Variants in AGBL3 observed in about 807,000 individuals in gnomAD.
AGBL3 encodes the protein cytosolic carboxypeptidase 3.
Under a neutral mutation model 94.5 loss-of-function variants are expected in AGBL3, and 68 were observed. That is an observed-to-expected ratio of 0.72 (90% CI 0.59 to 0.88). The LOEUF is 0.88. Ranked by LOEUF, AGBL3 falls within the 40% of genes least tolerant of loss-of-function variation. The pLI is 0.00. For missense variants in AGBL3, 934 were observed against 1,103.8 expected (o/e 0.85, Z 2.18); for synonymous variants, 354 against 370.7 (o/e 0.95, Z 0.52).
chr7:135,022,354 C>T (rs1814597543), intron 5 of AGBL3, among the ~76,000 whole-genome samples: 2 of 152,156 alleles, frequency 1.3e-5, no homozygotes, highest in Non-Finnish European at 1.5e-5. Flanking sequence ...TTAATAATCG[C>T]CATTCTGACT....
rs78426261 is a variant in AGBL3 at position 135,025,873 on chromosome 7, A to G, written c.419-6971A>G. 6.8e-4 allele frequency among the ~76,000 whole-genome samples: 102 copies of G among 150,946 alleles called. 9 individuals are homozygous for G. In the East Asian group the frequency reaches 9.6e-3, roughly 14 times the overall value. ...TACATAAACAGTTCAATTAAACAAG[A>G]AGTCTTAACTATCCTAAATATATAT... On this transcript the variant is annotated intron_variant, in intron 5 of 16. Coordinates refer to ENST00000436302, the MANE Select transcript of AGBL3 (RefSeq NM_178563.4).
In AGBL3 at chr7:135,059,185, A is replaced by G; in HGVS notation, c.1858A>G (p.Ser620Gly). ...TTTTTGTAGTAGCCGAGGCTCTGAC[A>G]GTTCAGAATCCATTGACTCTCTGAC... ...DVESSSRGSD[S>G]SESIDSLTYL... The change falls in exon 12 of 17, where the codon AGT (serine) becomes GGT (glycine). Residue 620 changes from serine (S) to glycine (G), a missense_variant. By Grantham distance (56) the Ser-to-Gly change is moderately conservative. This residue lies in a region of AGBL3 where 441 missense variants were observed against 518.2 expected (regional missense o/e 0.85). Transcript: ENST00000436302. 1.3e-6 allele frequency: 2 copies of G among 1,551,110 alleles called. No individual in the cohort carries two copies. Among genetic ancestry groups the G allele is most frequent in the Non-Finnish European group, 1.7e-6 (2 of 1,146,690 alleles).
At chr7:135,024,431 A>T (rs1584870436) in intron 5 of AGBL3, among the ~76,000 whole-genome samples, 1 of 152,218 alleles carries the variant, frequency 6.6e-6, no homozygotes, top group South Asian at 2.1e-4. Flanking sequence ...GCAAGAATCT[A>T]TCCACAAATA....
intron 5 of AGBL3, among the ~76,000 whole-genome samples, chr7:135,018,393 G>T (rs1277187721): frequency 2.0e-5 from 3 of 152,202 alleles, no homozygotes; most frequent in Non-Finnish European, 1.5e-5. Flanking sequence ...ACAGCCAAAG[G>T]GCAAGGGAAC....
chr7:135,043,425 A>C (rs1385144683), intron 8 of AGBL3, among the ~76,000 whole-genome samples: 1 of 152,168 alleles, frequency 6.6e-6, no homozygotes, highest in Non-Finnish European at 1.5e-5. Flanking sequence ...GAGACAGAGA[A>C]TAGAAGGATG....
chr7:135,058,565 G>A (rs1818536808), intron 11 of AGBL3, among the ~76,000 whole-genome samples: 1 of 151,884 alleles, frequency 6.6e-6, no homozygotes, highest in Non-Finnish European at 1.5e-5. Flanking sequence ...AATCTTGAGT[G>A]CCTACTATAT....
chr7:134,993,684 T>C lies in AGBL3; in HGVS notation c.310+6T>C. 1.3e-6 allele frequency: 2 copies of C among 1,535,524 alleles called. No homozygotes were observed. The highest frequency in any genetic ancestry group is 2.5e-5 in the East Asian group (1 of 40,324). ...TGAAAAAGTCCAGCATATTGGTATG[T>C]TTTTAGCAGTTTGGGGGATTCAGAC... On this transcript the variant is annotated splice_donor_region_variant and intron_variant, in intron 4 of 16. Coordinates refer to ENST00000436302, the MANE Select transcript of AGBL3 (RefSeq NM_178563.4).
chr7:134,990,795 C>T (rs1156450804), intron 3 of AGBL3, among the ~76,000 whole-genome samples: 1 of 152,168 alleles, frequency 6.6e-6, no homozygotes, highest in African/African-American at 2.4e-5. Flanking sequence ...GTAATGACTC[C>T]TTTAAAGTTC....
At chr7:135,105,110 C>G (rs992499415) in intron 15 of AGBL3, among the ~76,000 whole-genome samples, 1 of 136,570 alleles carries the variant, frequency 7.3e-6, no homozygotes, top group African/African-American at 2.7e-5. Flanking sequence ...TGCTCTTTCA[C>G]CCAGGCTGGA....
At chr7:134,992,958 G>A (rs1315329634) in intron 3 of AGBL3, among the ~76,000 whole-genome samples, 2 of 152,190 alleles carry the variant, frequency 1.3e-5, no homozygotes, top group Non-Finnish European at 2.9e-5. Context: ...AATTGATGCC[G>A]TACAGTATCA....
chr7:135,073,501 AATAAATAAAT>A (rs773643452), intron 12 of AGBL3, among the ~76,000 whole-genome samples: 7,619 of 143,864 alleles, frequency 0.053, 280 homozygotes, highest in Non-Finnish European at 0.083. Context: ...TAAATAAATA[AATAAATAAAT>A]AAACCTTGCA....
intron 4 of AGBL3, among the ~76,000 whole-genome samples, chr7:134,996,501 T>TG: frequency 6.6e-6 from 1 of 152,188 alleles, no homozygotes; most frequent in East Asian, 1.9e-4. Context: ...TCCCCAGAGG[T>TG]AAAAATAGAG....
At chr7:134,998,305 G>C (rs1349405530) in intron 4 of AGBL3, among the ~76,000 whole-genome samples, 1 of 152,100 alleles carries the variant, frequency 6.6e-6, no homozygotes, top group Non-Finnish European at 1.5e-5. Context: ...GCTTCTAAGA[G>C]TAAGGCTAGT....
intron 16 of AGBL3, among the ~76,000 whole-genome samples, chr7:135,133,331 C>T (rs1258957024): frequency 6.6e-6 from 1 of 152,104 alleles, no homozygotes; most frequent in Non-Finnish European, 1.5e-5. Flanking sequence ...AAATTGAAAG[C>T]CTCAATAAAG....
At chr7:134,996,710 C>A (rs953498697) in intron 4 of AGBL3, among the ~76,000 whole-genome samples, 4 of 152,154 alleles carry the variant, frequency 2.6e-5, no homozygotes, top group African/African-American at 9.7e-5. Context: ...CTCTGACAAA[C>A]AGAACTGCAT....
At chr7:135,069,311 A>G (rs1819658526) in intron 12 of AGBL3, among the ~76,000 whole-genome samples, 1 of 152,354 alleles carries the variant, frequency 6.6e-6, no homozygotes, top group South Asian at 2.1e-4. Context: ...CATTAGACAG[A>G]TCAACAAGAC....
At chr7:134,998,190 CTGTCATT>C (rs1220225146) in intron 4 of AGBL3, among the ~76,000 whole-genome samples, 2 of 152,210 alleles carry the variant, frequency 1.3e-5, no homozygotes, top group African/African-American at 4.8e-5. Context: ...CTCATTACCT[CTGTCATT>C]AACAATTAAT....
chr7:135,129,964 GTTAAAAA>G (rs1263488875), intron 16 of AGBL3, among the ~76,000 whole-genome samples: 4 of 152,174 alleles, frequency 2.6e-5, no homozygotes, highest in Non-Finnish European at 5.9e-5. Context: ...GCTCTGAATA[GTTAAAAA>G]TTAAATATTT....
chr7:135,109,463 C>T (rs10227757), intron 15 of AGBL3, among the ~76,000 whole-genome samples: 2,895 of 152,078 alleles, frequency 0.019, 104 homozygotes, highest in African/African-American at 0.065. Flanking sequence ...AGGATGGGGG[C>T]CCACATAACA....
Sources: gnomAD v4.1 joint callset for allele counts (sites outside exome capture counted in the v4.1 genomes callset) on GRCh38, gnomAD v4.1.1 for gene constraint, gnomAD v4.1.1 regional missense constraint, MANE v1.5 for transcripts, NCBI Gene and HGNC (gene_info 2026-07-23, HGNC 2026-07-21) for gene names.